Variants in TMEM132D observed in about 807,000 individuals in gnomAD.
TMEM132D encodes the protein transmembrane protein 132D.
A neutral mutation model predicts 62.3 loss-of-function variants in TMEM132D; 21 were observed. The observed-to-expected ratio is 0.34, with a 90% CI of 0.24 to 0.49. The LOEUF is 0.49. TMEM132D is among the 20% of genes least tolerant of loss of function. The probability of loss-of-function intolerance (pLI) is 0.99; values close to 1 mark genes in which losing one functional copy is unlikely to be tolerated. For synonymous variants in TMEM132D, 621 were observed against 575.6 expected (o/e 1.08, Z -1.13); for missense variants, 1,346 against 1,402.8 (o/e 0.96, Z 0.65).
chr12:129,329,388 A>C (rs1314327959), intron 4 of TMEM132D, among the ~76,000 whole-genome samples: 2 of 152,198 alleles, frequency 1.3e-5, no homozygotes, highest in East Asian at 3.8e-4. Context: ...ATTTTCGAAA[A>C]GTCTGAGTAA....
chr12:129,334,647 C>T (rs1233243092), intron 4 of TMEM132D, among the ~76,000 whole-genome samples: 2 of 152,142 alleles, frequency 1.3e-5, no homozygotes, highest in African/African-American at 4.8e-5. Flanking sequence ...AAGTATTGCT[C>T]TATCACCCAG....
At chr12:129,390,970 A>C (rs1871274457) in intron 3 of TMEM132D, among the ~76,000 whole-genome samples, 1 of 152,206 alleles carries the variant, frequency 6.6e-6, no homozygotes, top group Non-Finnish European at 1.5e-5. Context: ...AAATGATTTA[A>C]AATGCACTAG....
chr12:129,797,116 TTC>T (rs1408522752), intron 1 of TMEM132D, among the ~76,000 whole-genome samples: 2 of 152,212 alleles, frequency 1.3e-5, no homozygotes, highest in Non-Finnish European at 2.9e-5. Context: ...TTCTGTTTGT[TTC>T]TCTTTCTTCA....
intron 2 of TMEM132D, among the ~76,000 whole-genome samples, chr12:129,647,766 G>A (rs951002700): frequency 6.6e-6 from 1 of 151,976 alleles, no homozygotes; most frequent in African/African-American, 2.4e-5. Context: ...GTGTTATTTT[G>A]CTTTTTCTCA....
chr12:129,201,648 C>T (rs1593294291), intron 5 of TMEM132D, among the ~76,000 whole-genome samples: 1 of 152,198 alleles, frequency 6.6e-6, no homozygotes, highest in Non-Finnish European at 1.5e-5. Flanking sequence ...ATACTCTTTT[C>T]TATTGGATGT....
chr12:129,769,252 C>T (rs112878603), intron 1 of TMEM132D, among the ~76,000 whole-genome samples: 134 of 152,228 alleles, frequency 8.8e-4, no homozygotes, highest in African/African-American at 2.8e-3. Flanking sequence ...AGAGGTTGAA[C>T]GACTCACAGT....
At chr12:129,765,627 G>A (rs572400051) in intron 1 of TMEM132D, among the ~76,000 whole-genome samples, 8 of 151,050 alleles carry the variant, frequency 5.3e-5, no homozygotes, top group Admixed American at 4.0e-4. Flanking sequence ...CTGTCCACAA[G>A]AGATTAAACC....
intron 3 of TMEM132D, among the ~76,000 whole-genome samples, chr12:129,440,525 C>T (rs1199048238): frequency 6.6e-6 from 1 of 152,064 alleles, no homozygotes; most frequent in East Asian, 1.9e-4. Flanking sequence ...TCTCTAGGCT[C>T]GGTGACCTAA....
At chr12:129,075,167 G>A in intron 8 of TMEM132D, 108 bp from the exon 9 acceptor site, 2 of 846,748 alleles carry the variant, frequency 2.4e-6, no homozygotes, top group Non-Finnish European at 3.6e-6. Context: ...CAAGAACAAA[G>A]ACAAACCTTT....
chr12:129,443,453 G>T (rs984777802), intron 3 of TMEM132D, among the ~76,000 whole-genome samples: 3 of 152,154 alleles, frequency 2.0e-5, no homozygotes, highest in Non-Finnish European at 4.4e-5. Flanking sequence ...TAAAAGCTGA[G>T]TTTGGTGAGC....
At chr12:129,859,767 A>G (rs1873833610) in intron 1 of TMEM132D, among the ~76,000 whole-genome samples, 1 of 152,116 alleles carries the variant, frequency 6.6e-6, no homozygotes, top group Admixed American at 6.5e-5. Context: ...TCTTGGACTT[A>G]CACCAGTGGT....
At chr12:129,883,897 A>T (rs1874678143) in intron 1 of TMEM132D, among the ~76,000 whole-genome samples, 1 of 152,206 alleles carries the variant, frequency 6.6e-6, no homozygotes, top group Non-Finnish European at 1.5e-5. Context: ...ATTAACCAAG[A>T]CTGGATTATA....
intron 5 of TMEM132D, among the ~76,000 whole-genome samples, chr12:129,106,015 C>A (rs1411374713): frequency 1.3e-5 from 2 of 151,612 alleles, no homozygotes; most frequent in Non-Finnish European, 2.9e-5. Context: ...TTGGAACCAA[C>A]CCGAATGTCC....
chr12:129,244,170 A>G (rs7965223), intron 4 of TMEM132D, among the ~76,000 whole-genome samples: 40,357 of 151,850 alleles, frequency 0.27, 5,517 homozygotes, highest in African/African-American at 0.32. Context: ...CAGATCACAA[A>G]GTCAGGAGAT....
At chr12:129,568,657 T>C (rs1054357162) in intron 2 of TMEM132D, among the ~76,000 whole-genome samples, 1 of 152,240 alleles carries the variant, frequency 6.6e-6, no homozygotes, top group Non-Finnish European at 1.5e-5. Context: ...TTGAAACATA[T>C]TAAGCAACAC....
intron 1 of TMEM132D, among the ~76,000 whole-genome samples, chr12:129,801,293 T>TAA (rs1427076648): frequency 6.6e-6 from 1 of 151,682 alleles, no homozygotes. Flanking sequence ...AAGACAACAG[T>TAA]CTGACAGCTT....
chr12:129,444,153 A>AAACCC (rs1873024440), intron 3 of TMEM132D, among the ~76,000 whole-genome samples: 1 of 152,178 alleles, frequency 6.6e-6, no homozygotes, highest in Admixed American at 6.5e-5. Flanking sequence ...ACAACTATAA[A>AAACCC]AACCCAGGAA....
Position 129,305,682 on chromosome 12 carries a change from G to C in TMEM132D, c.1299+31952C>G, listed in dbSNP as rs568914141. On this transcript the variant is annotated intron_variant, in intron 4 of 8. Transcript: ENST00000422113. Reference sequence around the variant, plus strand: ...TCTGGAGCTTGACTGCCCAGGTTAGGATTTTGATCAGGTTTCTTAATCTCT... The same window carrying C: ...TCTGGAGCTTGACTGCCCAGGTTAGCATTTTGATCAGGTTTCTTAATCTCT... Among the ~76,000 whole-genome samples, 58 of 152,282 alleles carry C rather than the reference G, an allele frequency of 3.8e-4. No individual in the cohort carries two copies. The South Asian group carries it at 0.012, about 32-fold the overall frequency.
intron 5 of TMEM132D, among the ~76,000 whole-genome samples, chr12:129,167,199 A>G (rs1408175458): frequency 1.3e-5 from 2 of 151,672 alleles, no homozygotes; most frequent in African/African-American, 4.8e-5. Context: ...CAACATGGGT[A>G]GCAAACAGAG....
Sources: gnomAD v4.1 joint callset for allele counts (sites outside exome capture counted in the v4.1 genomes callset) on GRCh38, gnomAD v4.1.1 for gene constraint, MANE v1.5 for transcripts, NCBI Gene and HGNC (gene_info 2026-07-23, HGNC 2026-07-21) for gene names.